The following EAF2 variants were observed in gnomAD, a reference collection of about 807,000 sequenced individuals.
The protein encoded by EAF2 is ELL-associated factor 2.
EAF2 carries 29 observed loss-of-function variants against 29.4 expected under a neutral mutation model. The observed-to-expected ratio is 0.99, with a 90% confidence interval of 0.73 to 1.35. The LOEUF is 1.35. Among genes scored for constraint, EAF2 ranks in the 40% most tolerant of loss-of-function variants. The pLI is 0.00. For synonymous variants in EAF2, 103 were observed against 102.5 expected, an observed-to-expected ratio of 1.00 and a Z score of -0.03; for missense variants, 292 against 312.0, an observed-to-expected ratio of 0.94 and a Z score of 0.48.
At chr3:121,865,847 A>G (rs1708916292) in intron 4 of EAF2, among the ~76,000 whole-genome samples, 1 of 152,074 alleles carries the variant, frequency 6.6e-6, no homozygotes, top group African/African-American at 2.4e-5. Context: ...GAGACACTCT[A>G]TGGCCAGAAG....
chr3:121,869,677 G>T (rs1708978823), intron 4 of EAF2, among the ~76,000 whole-genome samples: 1 of 151,876 alleles, frequency 6.6e-6, no homozygotes, highest in East Asian at 1.9e-4. Flanking sequence ...GGGAGTTTGA[G>T]ACCAGCCTAG....
intron 5 of EAF2, among the ~76,000 whole-genome samples, chr3:121,877,644 A>T (rs1253349128): frequency 3.3e-5 from 1 of 30,328 alleles, no homozygotes; most frequent in African/African-American, 1.1e-4. Context: ...AAATATTTAT[A>T]ATTGAACATT....
chr3:121,844,575 T>G, intron 2 of EAF2, 28 bp downstream of exon 2: 1 of 1,423,028 alleles, frequency 7.0e-7, no homozygotes, highest in East Asian at 2.4e-5. Context: ...TTTAAAGTGA[T>G]CACTTTTGTG....
chr3:121,886,465 CTG>C lies in EAF2; in HGVS notation c.*78_*79del. 1 of 830,298 alleles carries C rather than the reference CTG, an allele frequency of 1.2e-6. No individual in the cohort carries two copies. Among genetic ancestry groups the C allele is most frequent in the Non-Finnish European group, 1.7e-6 (1 of 581,304 alleles). 51.4% of individuals were successfully genotyped at this position (830,298 alleles called of 1,614,324 possible). ...GTATTAACAATAAAAATTCCTAAGA[CTG>C]AGGGAAATATGTCTTAACTTTTGAT... On this transcript the variant is annotated 3_prime_UTR_variant, in exon 6 of 6. Transcript: ENST00000273668.
At chr3:121,873,536 A>G (rs774710287) in intron 5 of EAF2, among the ~76,000 whole-genome samples, 2 of 151,870 alleles carry the variant, frequency 1.3e-5, no homozygotes, top group Non-Finnish European at 2.9e-5. Context: ...TTATGTAGTC[A>G]AGCCCATTTT....
At chr3:121,866,160 A>G (rs1378976108) in intron 4 of EAF2, among the ~76,000 whole-genome samples, 2 of 152,080 alleles carry the variant, frequency 1.3e-5, no homozygotes, top group East Asian at 3.9e-4. Flanking sequence ...TACGCACCAC[A>G]TCTCCTTGCC....
At position 121,853,353 on chromosome 3, in the gene EAF2, T is replaced by A. The variant is rs553367087; in HGVS notation, c.202-1334T>A. Among the ~76,000 whole-genome samples, 24 of 152,352 alleles carry A rather than the reference T, an allele frequency of 1.6e-4. No individual in the cohort carries two copies. The South Asian group carries it at 5.0e-3, about 32-fold the overall frequency. On this transcript the variant is annotated intron_variant, in intron 2 of 5. Transcript: ENST00000273668. ...ATCCAAATAAGATTTCTACATTGTA[T>A]TTGAATATTGTATTTCTTGTCTCTT...
intron 2 of EAF2, among the ~76,000 whole-genome samples, chr3:121,853,831 AG>A (rs1374331074): frequency 6.6e-6 from 1 of 152,168 alleles, no homozygotes; most frequent in Non-Finnish European, 1.5e-5. Flanking sequence ...TTTTGGCAAG[AG>A]TATTTTATGG....
intron 1 of EAF2, 80 bp downstream of exon 1, chr3:121,835,471 T>TC: frequency 7.8e-7 from 1 of 1,280,888 alleles, no homozygotes; most frequent in East Asian, 2.4e-5. Flanking sequence ...TGGGTTTTGT[T>TC]CCCACAGTAC....
intron 3 of EAF2, 26 bp downstream of exon 3, chr3:121,854,849 T>C: frequency 1.3e-6 from 2 of 1,502,246 alleles, no homozygotes; most frequent in Non-Finnish European, 1.8e-6. Context: ...AAATAAATTA[T>C]ATTATAAACA....
chr3:121,863,345 G>T (rs1275915016), intron 4 of EAF2, among the ~76,000 whole-genome samples: 1 of 152,146 alleles, frequency 6.6e-6, no homozygotes, highest in Non-Finnish European at 1.5e-5. Flanking sequence ...GGCTCCACCT[G>T]GTTCAAGCTT....
intron 2 of EAF2, among the ~76,000 whole-genome samples, chr3:121,848,296 T>G (rs1252932041): frequency 6.6e-6 from 1 of 152,196 alleles, no homozygotes; most frequent in Non-Finnish European, 1.5e-5. Context: ...TATGTCCATA[T>G]TTACATTTTG....
intron 1 of EAF2, among the ~76,000 whole-genome samples, chr3:121,843,521 T>C (rs556177862): frequency 5.9e-5 from 9 of 152,122 alleles, no homozygotes; most frequent in Non-Finnish European, 1.0e-4. Flanking sequence ...TGTGTAAAAG[T>C]CAAAGCTTAA....
chr3:121,872,583 T>C lies in EAF2; in HGVS notation c.531T>C (p.Asp177=). ...ASLMDQMSSC[D]SSSDSKSSSS... is the part of the protein sequence containing the mutation. ...TAATGGACCAGATGAGTAGTTGTGA[T>C]AGTTCATCAGATTCCAAAAGTTCAT... The change falls in exon 5 of 6, where the codon GAT becomes GAC. Residue 177 remains aspartate, a synonymous_variant. Coordinates refer to ENST00000273668, the MANE Select transcript of EAF2 (RefSeq NM_018456.6). The C allele has an allele frequency of 6.2e-7, 1 of 1,612,630 alleles. No homozygotes were observed. The highest frequency in any genetic ancestry group is 1.7e-4 in the Middle Eastern group (1 of 6,056).
intron 4 of EAF2, among the ~76,000 whole-genome samples, chr3:121,870,816 T>G (rs1163663183): frequency 6.6e-6 from 1 of 152,140 alleles, no homozygotes; most frequent in Non-Finnish European, 1.5e-5. Context: ...TGCTTCATAT[T>G]ATCACATCAA....
chr3:121,857,767 C>T (rs1708747213), intron 4 of EAF2, among the ~76,000 whole-genome samples: 1 of 152,084 alleles, frequency 6.6e-6, no homozygotes, highest in Admixed American at 6.6e-5. Context: ...TGGTGTGCTG[C>T]ACCCATTAAC....
At position 121,870,097 on chromosome 3, in the gene EAF2, A is replaced by ATTT. The variant is rs201499010; in HGVS notation, c.485-2439_485-2437dup. Among the ~76,000 whole-genome samples, 1,513 of 152,264 alleles carry ATTT rather than the reference A, an allele frequency of 9.9e-3. 27 individuals carry two copies. The highest frequency in any genetic ancestry group is 0.034 in the African/African-American group (1,423 of 41,534). On this transcript the variant is annotated intron_variant, in intron 4 of 5. Coordinates refer to ENST00000273668, the MANE Select transcript of EAF2 (RefSeq NM_018456.6). ...AGCCAGACCAAGAAGTCTACCAAACATTTAAAGAGAATTAACACCAACATT... is the reference window on the plus strand; with the variant it reads ...AGCCAGACCAAGAAGTCTACCAAACATTTTTTAAAGAGAATTAACACCAACATT...
intron 1 of EAF2, chr3:121,837,482 TCCACCAC>T (rs1180621461): frequency 6.6e-6 from 1 of 152,202 alleles, no homozygotes; most frequent in Non-Finnish European, 1.5e-5. Flanking sequence ...AATCCTGGTC[TCCACCAC>T]CTATATATAT....
chr3:121,854,954 C>G (rs1708694195), intron 3 of EAF2, 131 bp downstream of exon 3: 30 of 964,228 alleles, frequency 3.1e-5, no homozygotes, highest in Non-Finnish European at 4.2e-5. Flanking sequence ...TAATCTTTTT[C>G]TAAGTTTAAA....
Sources: allele counts gnomAD v4.1 joint callset (sites outside exome capture counted in the v4.1 genomes callset), GRCh38; gene constraint gnomAD v4.1.1; transcripts MANE v1.5; gene names NCBI Gene and HGNC (gene_info 2026-07-23, HGNC 2026-07-21).